The following WDR20 variants were observed in gnomAD, a reference collection of about 807,000 sequenced individuals.
The protein encoded by WDR20 is WD repeat domain 20.
In WDR20, 3 loss-of-function variants were observed where a neutral mutation model predicts 38.7. The ratio of observed to expected loss-of-function variants is 0.08; its 90% CI spans 0.04 to 0.20. The LOEUF (loss-of-function observed/expected upper bound fraction) is 0.20. Ranked by LOEUF, WDR20 falls within the 10% of genes least tolerant of loss-of-function variation. The pLI, the probability that WDR20 is intolerant of heterozygous loss-of-function variation, is 1.00. For missense variants in WDR20, 559 were observed against 727.7 expected (o/e 0.77, Z 2.67); for synonymous variants, 298 against 285.6 (o/e 1.04, Z -0.44).
chr14:102,209,949 C>A lies in WDR20; in HGVS notation c.*69C>A. The A allele has an allele frequency of 6.6e-7, 1 of 1,509,694 alleles. No individual in the cohort carries two copies. The highest frequency in any genetic ancestry group is 8.8e-7 in the Non-Finnish European group (1 of 1,137,484). 93.5% of individuals were successfully genotyped at this position (1,509,694 alleles called of 1,614,324 possible). On this transcript the variant is annotated 3_prime_UTR_variant, in exon 3 of 3. Transcript: ENST00000342702. This position sits in a 1 kb window ranked among gnomAD's most constrained non-coding sequence, Gnocchi z 6.0. ...TTTTTCGTGGGAGGGGTGGGGTGTA[C>A]AATGAATGTGAATGACACTTCTTAT...
chr14:102,217,467 A>G (rs1049905803), downstream of WDR20, among the ~76,000 whole-genome samples: 1 of 152,150 alleles, frequency 6.6e-6, no homozygotes, highest in African/African-American at 2.4e-5. Context: ...GCATCTGGGC[A>G]AGTGTGGCCC....
chr14:102,173,992 T>C (rs868536584), intron 1 of WDR20, among the ~76,000 whole-genome samples: 3 of 147,476 alleles, frequency 2.0e-5, no homozygotes, highest in Admixed American at 1.4e-4. Flanking sequence ...TGCAGTGAGC[T>C]GAGATCGCGC....
At chr14:102,146,371 G>A (rs1336467857) in intron 1 of WDR20, among the ~76,000 whole-genome samples, 1 of 151,952 alleles carries the variant, frequency 6.6e-6, no homozygotes, top group African/African-American at 2.4e-5. Context: ...CAGCATCTTG[G>A]CCAGGCTGGT....
rs968105102 is a variant in WDR20, at chr14:102,207,269, A to C, written c.433-1334A>C. On this transcript the variant is annotated intron_variant, in intron 2 of 2. Coordinates refer to ENST00000342702, the MANE Select transcript of WDR20 (RefSeq NM_144574.4). The surrounding 1 kb of genome is among the most constrained non-coding windows in gnomAD (Gnocchi z 5.0). Reference sequence around the variant, plus strand: ...GCCTGGGGTCCTTTGTTAGCAGCCTACTTTCTAGGGTCTAATGTTCATGCA... The same window carrying C: ...GCCTGGGGTCCTTTGTTAGCAGCCTCCTTTCTAGGGTCTAATGTTCATGCA... Among the ~76,000 whole-genome samples the C allele has an allele frequency of 6.6e-6, 1 of 152,220 alleles. No individual in the cohort carries two copies. The highest frequency in any genetic ancestry group is 2.4e-5 in the African/African-American group (1 of 41,454).
chr14:102,208,564 T>A lies in WDR20; in HGVS notation c.433-39T>A. Reference sequence around the variant, plus strand: ...TGCTGGAAAAGTAGACCTTTGAGACTTCTCCGTTGTGCTAACTTGTTCTCC... The same window carrying A: ...TGCTGGAAAAGTAGACCTTTGAGACATCTCCGTTGTGCTAACTTGTTCTCC... On this transcript the variant is annotated intron_variant, in intron 2 of 2. Coordinates refer to ENST00000342702, the MANE Select transcript of WDR20 (RefSeq NM_144574.4). The surrounding 1 kb of genome is among the most constrained non-coding windows in gnomAD (Gnocchi z 5.6). 6.5e-7 allele frequency: 1 copy of A among 1,548,530 alleles called. No individual in the cohort carries two copies. The highest frequency in any genetic ancestry group is 1.2e-5 in the South Asian group (1 of 80,056).
chr14:102,150,553 G>A (rs1291838372), intron 1 of WDR20, among the ~76,000 whole-genome samples: 1 of 152,190 alleles, frequency 6.6e-6, no homozygotes, highest in Non-Finnish European at 1.5e-5. Flanking sequence ...CTGCCATGAA[G>A]CTGTTTTTTT....
chr14:102,213,770 T>C (rs1173232222), downstream of WDR20: 7 of 985,404 alleles, frequency 7.1e-6, no homozygotes, highest in Non-Finnish European at 8.4e-6. Context: ...CCTCATCACC[T>C]CTCGCCTGGG....
chr14:102,168,909 A>G (rs1185094067), intron 1 of WDR20, among the ~76,000 whole-genome samples: 19 of 152,210 alleles, frequency 1.2e-4, no homozygotes, highest in Admixed American at 1.0e-3. Flanking sequence ...TGCCTCTTAC[A>G]GTCTGTTCTC....
At chr14:102,190,224 G>C (rs1053151495) in intron 1 of WDR20, among the ~76,000 whole-genome samples, 5 of 152,162 alleles carry the variant, frequency 3.3e-5, no homozygotes, top group Non-Finnish European at 5.9e-5. Context: ...GATTGGATTG[G>C]ATGATGATTG....
In WDR20 at chr14:102,209,120, C is replaced by T; in HGVS notation, c.950C>T (p.Thr317Ile). The T allele has an allele frequency of 6.2e-7, 1 of 1,614,144 alleles. No homozygotes were observed. Among genetic ancestry groups the T allele is most frequent in the East Asian group, 2.2e-5 (1 of 44,884 alleles). The change falls in exon 3 of 3, where the codon ACT becomes ATT. Residue 317 changes from threonine (T) to isoleucine (I), a missense_variant. Coordinates refer to ENST00000342702, the MANE Select transcript of WDR20 (RefSeq NM_144574.4). The surrounding 1 kb of genome is among the most constrained non-coding windows in gnomAD (Gnocchi z 6.0). ...VSVVAFDPYT[T>I]SVEEGDPMEF... ...GTTGTAGCGTTTGACCCTTATACCACTAGTGTAGAAGAAGGTGACCCTATG... is the reference window on the plus strand; with the variant it reads ...GTTGTAGCGTTTGACCCTTATACCATTAGTGTAGAAGAAGGTGACCCTATG...
Position 102,220,771 on chromosome 14 carries a change from T to C in WDR20, c.1693-2059T>C, listed in dbSNP as rs957696243. On this transcript the variant is annotated intron_variant, in intron 3 of 3. Coordinates refer to the WDR20 transcript ENST00000335263. The surrounding 1 kb of genome is among the most constrained non-coding windows in gnomAD (Gnocchi z 4.2). Reference sequence around the variant, plus strand: ...TAAAATTAATGTCACTTGTTTTTATTATCTATCTTTTCATTTTTTGAGACA... The same window carrying C: ...TAAAATTAATGTCACTTGTTTTTATCATCTATCTTTTCATTTTTTGAGACA... Among the ~76,000 whole-genome samples the C allele has an allele frequency of 2.6e-5, 4 of 151,966 alleles. No homozygotes were observed. Among genetic ancestry groups the C allele is most frequent in the African/African-American group, 9.7e-5 (4 of 41,354 alleles).
chr14:102,211,450 C>T (rs1020825230), downstream of WDR20, among the ~76,000 whole-genome samples: 3 of 152,016 alleles, frequency 2.0e-5, no homozygotes, highest in Admixed American at 2.0e-4. This position sits in a 1 kb window ranked among gnomAD's most constrained non-coding sequence, Gnocchi z 4.2. Flanking sequence ...TGGCGCCATC[C>T]ACCCTGTGCC....
chr14:102,208,823 T>C lies in WDR20; in HGVS notation c.653T>C (p.Val218Ala), dbSNP rs1287941976. Residue 218 changes from valine to alanine, a missense_variant, in exon 3 of 3, where the codon GTG becomes GCG. Transcript: ENST00000342702. The surrounding 1 kb of genome is among the most constrained non-coding windows in gnomAD (Gnocchi z 5.6). ...AGGAACCCTCTCCTTAAGTGGACGG[T>C]GGGCGAGGGGGCCCTCAACGAGTTT... is the stretch of plus-strand genomic sequence containing the variant. ...STRNPLLKWT[V>A]GEGALNEFAF... is the part of the protein sequence containing the mutation. The C allele has an allele frequency of 2.5e-6, 4 of 1,614,232 alleles. No homozygotes were observed. The highest frequency in any genetic ancestry group is 3.4e-6 in the Non-Finnish European group (4 of 1,180,032).
intron 1 of WDR20, among the ~76,000 whole-genome samples, chr14:102,150,451 C>T (rs1002046280): frequency 6.6e-5 from 10 of 152,146 alleles, no homozygotes; most frequent in Middle Eastern, 3.4e-3. Flanking sequence ...CCAGCCTCAG[C>T]GACAGAATGA....
chr14:102,170,623 T>TA (rs34007594), intron 1 of WDR20, among the ~76,000 whole-genome samples: 6,814 of 146,702 alleles, frequency 0.046, 170 homozygotes, highest in Middle Eastern at 0.077. Context: ...TTCTGGTCTT[T>TA]AAAAAAAAAA....
chr14:102,185,830 AG>A (rs1317054317), intron 1 of WDR20, among the ~76,000 whole-genome samples: 2 of 148,760 alleles, frequency 1.3e-5, no homozygotes, highest in African/African-American at 5.1e-5. Context: ...AAAAAAAAAA[AG>A]CATTATATAT....
At chr14:102,145,435 A>G (rs544132305) in intron 1 of WDR20, among the ~76,000 whole-genome samples, 39 of 152,358 alleles carry the variant, frequency 2.6e-4, no homozygotes, top group Non-Finnish European at 3.1e-4. Flanking sequence ...AAACCATGTC[A>G]CCTACAAGAT....
intron 2 of WDR20, among the ~76,000 whole-genome samples, chr14:102,201,817 T>A (rs2152976662): frequency 6.6e-6 from 1 of 152,364 alleles, no homozygotes; most frequent in Non-Finnish European, 1.5e-5. Flanking sequence ...TGGACACTGA[T>A]GGAGAGCCCT....
intron 1 of WDR20, among the ~76,000 whole-genome samples, chr14:102,168,902 C>T (rs1487777517): frequency 6.6e-6 from 1 of 152,186 alleles, no homozygotes; most frequent in Non-Finnish European, 1.5e-5. Flanking sequence ...CTATCCTTGC[C>T]TCTTACAGTC....
Sources: gnomAD v4.1 joint callset for allele counts (sites outside exome capture counted in the v4.1 genomes callset) on GRCh38, gnomAD v4.1.1 for gene constraint, Gnocchi (gnomAD v3.1) non-coding constraint, MANE v1.5 for transcripts, NCBI Gene and HGNC (gene_info 2026-07-23, HGNC 2026-07-21) for gene names.